Variants in DIDO1 observed in about 807,000 individuals in gnomAD.
The protein encoded by DIDO1 is death-inducer obliterator 1.
Under a neutral mutation model 99.4 loss-of-function variants are expected in DIDO1, and 16 were observed. That is an observed-to-expected ratio of 0.16 (90% confidence interval 0.11 to 0.24). DIDO1 has a LOEUF of 0.24. Ranked by LOEUF, DIDO1 falls within the 10% of genes least tolerant of loss-of-function variation. The pLI, the probability that DIDO1 is intolerant of heterozygous loss-of-function variation, is 1.00. For synonymous variants in DIDO1, 1,366 were observed against 1,239.1 expected (o/e 1.10, Z -2.15); for missense variants, 2,996 against 3,014.0 (o/e 0.99, Z 0.14).
chr20:62,936,627 AG>A (rs1442325453), intron 1 of DIDO1, among the ~76,000 whole-genome samples: 2 of 152,158 alleles, frequency 1.3e-5, no homozygotes, highest in Admixed American at 1.3e-4. Flanking sequence ...GCACTTTGGG[AG>A]TCCGAGGCGG....
chr20:62,890,973 G>A lies in DIDO1; in HGVS notation c.3528C>T (p.Pro1176=), dbSNP rs755408123. ...GCCGGCGCTTACCTGGTCCCTCAAA[G>A]GGCAAGAGTTTGGATGGAACAGGGT... ...AQDPVPSKLL[P]FEGPGLESPR... Residue 1176 remains proline, a synonymous_variant, in exon 15 of 16, where the codon CCC becomes CCT. Coordinates refer to ENST00000395343, the MANE Select transcript of DIDO1 (RefSeq NM_001193369.2). The A allele has an allele frequency of 8.1e-6, 13 of 1,613,966 alleles. No homozygotes were observed. In the Admixed American group the frequency reaches 1.2e-4, roughly 14 times the overall value.
Position 62,896,768 on chromosome 20 carries a change from C to T in DIDO1, c.1817G>A (p.Ser606Asn). 1 of 1,613,908 alleles carries T rather than the reference C, an allele frequency of 6.2e-7. No homozygotes were observed. Among genetic ancestry groups the T allele is most frequent in the East Asian group, 2.2e-5 (1 of 44,882 alleles). Reference protein sequence around the residue: ...KRPWLSATPSSGASAARQAGP... With the variant: ...KRPWLSATPSNGASAARQAGP... ...GGCCTGCCTGGCAGCTGAAGCACCA[C>T]TCGATGGGGTAGCGGAGAGCCATGG... The change falls in exon 7 of 16, where the codon AGT becomes AAT. Residue 606 changes from serine (S) to asparagine (N), a missense_variant. By Grantham distance (46) the Ser-to-Asn change is conservative (BLOSUM62 1). Coordinates refer to ENST00000395343, the MANE Select transcript of DIDO1 (RefSeq NM_001193369.2). The surrounding 1 kb of genome is among the most constrained non-coding windows in gnomAD (Gnocchi z 4.4).
rs150423025 is a variant in DIDO1 at position 62,919,142 on chromosome 20, T to C, written c.-199-4736A>G. Among the ~76,000 whole-genome samples, 394 of 152,358 alleles carry C rather than the reference T, an allele frequency of 2.6e-3. 9 individuals carry two copies. Among genetic ancestry groups the C allele is most frequent in the Admixed American group, 0.022 (341 of 15,304 alleles). On this transcript the variant is annotated intron_variant, in intron 1 of 15. Coordinates refer to ENST00000395343, the MANE Select transcript of DIDO1 (RefSeq NM_001193369.2). The stretch of plus-strand genomic sequence containing the variant: ...ACAAGGAACTGAAGAAGCCCAACTT[T>C]CATTTACTTTAGTATCTATGCAGAA...
chr20:62,922,063 CACACTATAT>C (rs571065020), intron 1 of DIDO1, among the ~76,000 whole-genome samples: 44 of 142,032 alleles, frequency 3.1e-4, no homozygotes, highest in East Asian at 4.3e-4. Flanking sequence ...TATATATACA[CACACTATAT>C]ACACTATATA....
rs901923698 is a variant in DIDO1, at chr20:62,905,093, T to C, written c.1588+794A>G. 12 of 994,672 alleles carry C rather than the reference T, an allele frequency of 1.2e-5. No individual in the cohort carries two copies. The South Asian group carries it at 4.1e-4, about 34-fold the overall frequency. The allele number at this position is 994,672 out of a possible 1,614,324, so 61.6% of individuals were successfully genotyped here. A position where few individuals can be genotyped will look rare whatever the true frequency, so the allele number is the denominator to read the frequency against. On this transcript the variant is annotated intron_variant, in intron 6 of 15. Coordinates refer to ENST00000395343, the MANE Select transcript of DIDO1 (RefSeq NM_001193369.2). Reference sequence around the variant, plus strand: ...AGAATCTGAGGTTTCAAAGATCTGTTTGAAATATCTTCATTTCATTAATTT... The same window carrying C: ...AGAATCTGAGGTTTCAAAGATCTGTCTGAAATATCTTCATTTCATTAATTT...
chr20:62,900,967 T>C (rs937061117), intron 6 of DIDO1, among the ~76,000 whole-genome samples: 7 of 152,238 alleles, frequency 4.6e-5, no homozygotes, highest in African/African-American at 1.4e-4. Flanking sequence ...CAATGCAGTT[T>C]CCTGCTTTAC....
At position 62,879,533 on chromosome 20, in the gene DIDO1, C is replaced by A. The variant is rs1251532713; in HGVS notation, c.6423G>T (p.Lys2141Asn). ...RPREWDRHRD[K>N]DSSRDWDRNR... ...TTCTGTCCCAGTCCCGGCTGGAGTCCTTGTCCCGGTGTCGGTCCCACTCCC... is the reference window on the plus strand; with the variant it reads ...TTCTGTCCCAGTCCCGGCTGGAGTCATTGTCCCGGTGTCGGTCCCACTCCC... The change falls in exon 16 of 16, where the codon AAG becomes AAT. Residue 2141 changes from lysine to asparagine, a missense_variant. Lys to Asn is a moderately conservative substitution (Grantham distance 94, BLOSUM62 0). Coordinates refer to ENST00000395343, the MANE Select transcript of DIDO1 (RefSeq NM_001193369.2). The surrounding 1 kb of genome is among the most constrained non-coding windows in gnomAD (Gnocchi z 6.3). The A allele has an allele frequency of 6.2e-7, 1 of 1,600,306 alleles. No homozygotes were observed. The highest frequency in any genetic ancestry group is 1.7e-5 in the Admixed American group (1 of 59,924).
chr20:62,877,908 A>C lies in DIDO1; in HGVS notation c.*1325T>G, dbSNP rs964703561. 6.6e-6 allele frequency: 1 copy of C among 152,262 alleles called. No individual in the cohort carries two copies. Among genetic ancestry groups the C allele is most frequent in the Non-Finnish European group, 1.5e-5 (1 of 68,052 alleles). The allele number at this position is 152,262 out of a possible 1,614,324, so 9.4% of individuals were successfully genotyped here. ...TTTACATTTGTGTATTTAAATTAGA[A>C]AAATTTGCTTTATATGTTAAACAAA... On this transcript the variant is annotated 3_prime_UTR_variant, in exon 16 of 16. Transcript: ENST00000395343.
chr20:62,907,159 T>A lies in DIDO1; in HGVS notation c.1362A>T (p.Lys454Asn). Residue 454 changes from lysine (K) to asparagine (N), a missense_variant, in exon 5 of 16, where the codon AAA (lysine) becomes AAT (asparagine). By Grantham distance (94) the Lys-to-Asn change is moderately conservative. Around this residue, in one of 5 missense-constraint regions of DIDO1, gnomAD observed 898 missense variants for 972.7 expected, o/e 0.92. Transcript: ENST00000395343. ...KMKPEKPSLP[K>N]CGAQAGIKIS... Reference sequence around the variant, plus strand: ...CTGGTCCACTCACCTGAGCACCGCATTTCGGAAGACTGGGCTTCTCTGGCT... The same window carrying A: ...CTGGTCCACTCACCTGAGCACCGCAATTCGGAAGACTGGGCTTCTCTGGCT... 1 of 1,614,266 alleles carries A rather than the reference T, an allele frequency of 6.2e-7. No homozygotes were observed. The highest frequency in any genetic ancestry group is 8.5e-7 in the Non-Finnish European group (1 of 1,180,052).
Position 62,894,593 on chromosome 20 carries a change from A to G in DIDO1, c.2437-45T>C. On this transcript the variant is annotated intron_variant, in intron 10 of 15. Transcript: ENST00000395343. This position sits in a 1 kb window ranked among gnomAD's most constrained non-coding sequence, Gnocchi z 4.4. The stretch of plus-strand genomic sequence containing the variant: ...AAAAGTGAGGTCGTTTCTTCTCCAA[A>G]CTCAGCTCCAAATTAACCACACACA... The G allele has an allele frequency of 6.3e-7, 1 of 1,589,922 alleles. No homozygotes were observed. The highest frequency in any genetic ancestry group is 8.5e-7 in the Non-Finnish European group (1 of 1,172,464).
At chr20:62,931,961 A>T (rs1318871343) in intron 1 of DIDO1, among the ~76,000 whole-genome samples, 1 of 152,248 alleles carries the variant, frequency 6.6e-6, no homozygotes, top group East Asian at 1.9e-4. Flanking sequence ...AAACTGAGAA[A>T]GAGTGTGTTT....
In DIDO1 at chr20:62,911,480, C is replaced by T; in HGVS notation, c.133G>A (p.Ala45Thr). The T allele has an allele frequency of 1.2e-6, 2 of 1,612,372 alleles. No individual in the cohort carries two copies. The highest frequency in any genetic ancestry group is 1.7e-6 in the Non-Finnish European group (2 of 1,179,322). ...GGGGGTGGCGGCTCCAGTGGGTCAG[C>T]CTCCGCGTCCCCTGCGCCCTCTCGC... The part of the protein sequence containing the change: ...AKREGAGDAE[A>T]DPLEPPPPQQ... Residue 45 changes from alanine (A) to threonine (T), a missense_variant, in exon 3 of 16, where the codon GCT becomes ACT. Transcript: ENST00000395343. The surrounding 1 kb of genome is among the most constrained non-coding windows in gnomAD (Gnocchi z 7.0).
upstream of DIDO1, among the ~76,000 whole-genome samples, chr20:62,929,692 A>AAAAAAAAAAAAAAAAATATATATATAT: frequency 1.6e-5 from 1 of 63,708 alleles, no homozygotes; most frequent in African/African-American, 7.6e-5. Flanking sequence ...AAAAAGAAAA[A>AAAAAAAAAAAAAAAAATATATATATAT]GTGTATATAT....
At chr20:62,885,662 CCCG>C (rs757683587) in intron 15 of DIDO1, among the ~76,000 whole-genome samples, 5 of 152,166 alleles carry the variant, frequency 3.3e-5, no homozygotes, top group Non-Finnish European at 7.3e-5. Flanking sequence ...TCTGAATTTC[CCCG>C]CCATTTAAAA....
intron 1 of DIDO1, among the ~76,000 whole-genome samples, chr20:62,915,979 A>G (rs558135178): frequency 5.2e-4 from 79 of 152,382 alleles, no homozygotes; most frequent in African/African-American, 1.9e-3. Flanking sequence ...GGAAAAGATC[A>G]GATCACTTTA....
At chr20:62,934,546 C>T (rs1172256611) in intron 1 of DIDO1, among the ~76,000 whole-genome samples, 4 of 152,180 alleles carry the variant, frequency 2.6e-5, no homozygotes, top group African/African-American at 4.8e-5. Flanking sequence ...CTCCCTGCTC[C>T]TCAGTCTCAC....
At chr20:62,918,550 G>A (rs1406180542) in intron 1 of DIDO1, among the ~76,000 whole-genome samples, 3 of 152,068 alleles carry the variant, frequency 2.0e-5, no homozygotes, top group Admixed American at 6.6e-5. Flanking sequence ...TCATAACATC[G>A]CACCTCCAGG....
chr20:62,906,208 T>A (rs1301852171), intron 5 of DIDO1, 108 bp from the exon 6 acceptor site: 9 of 1,394,618 alleles, frequency 6.5e-6, no homozygotes, highest in Non-Finnish European at 8.7e-6. Context: ...TGAGGCCATC[T>A]GAAGACCCTG....
intron 14 of DIDO1, among the ~76,000 whole-genome samples, chr20:62,891,443 G>T (rs944283518): frequency 1.3e-5 from 2 of 152,124 alleles, no homozygotes; most frequent in African/African-American, 4.8e-5. Flanking sequence ...TAAACTAGAC[G>T]ACAGGGTCTA....
Sources: allele counts gnomAD v4.1 joint callset (sites outside exome capture counted in the v4.1 genomes callset), GRCh38; gene constraint gnomAD v4.1.1; regional missense constraint gnomAD v4.1.1; non-coding constraint Gnocchi (gnomAD v3.1); transcripts MANE v1.5; gene names NCBI Gene and HGNC (gene_info 2026-07-23, HGNC 2026-07-21).